The following MAP2K6 variants were observed in gnomAD, a reference collection of about 807,000 sequenced individuals.
MAP2K6 encodes dual specificity mitogen-activated protein kinase kinase 6.
A neutral mutation model predicts 53.7 loss-of-function variants in MAP2K6; 16 were observed. That is an observed-to-expected ratio of 0.30 (90% CI 0.20 to 0.45). The LOEUF is 0.45. MAP2K6 is among the 20% of genes least tolerant of loss of function. MAP2K6 has a pLI of 1.00. For missense variants in MAP2K6, 204 were observed against 411.9 expected, an observed-to-expected ratio of 0.50 and a Z score of 4.37; for synonymous variants, 132 against 143.1, an observed-to-expected ratio of 0.92 and a Z score of 0.55.
At chr17:69,487,062 A>G (rs1908566497) in intron 1 of MAP2K6, among the ~76,000 whole-genome samples, 1 of 152,254 alleles carries the variant, frequency 6.6e-6, no homozygotes, top group African/African-American at 2.4e-5. Context: ...AAACAGTTTT[A>G]TAACCTGCCT....
intron 1 of MAP2K6, among the ~76,000 whole-genome samples, chr17:69,453,513 G>A (rs1055762952): frequency 1.3e-5 from 2 of 152,162 alleles, no homozygotes; most frequent in Non-Finnish European, 2.9e-5. Flanking sequence ...GATTAAGGGG[G>A]TCAAACACAT....
At position 69,526,846 on chromosome 17, in the gene MAP2K6, A is replaced by T. The variant is rs555805108; in HGVS notation, c.881+137A>T. The T allele has an allele frequency of 6.7e-5, 72 of 1,066,798 alleles. No homozygotes were observed. In the African/African-American group the frequency reaches 1.1e-3, roughly 16 times the overall value. 66.1% of individuals were successfully genotyped at this position (1,066,798 alleles called of 1,614,324 possible). A position where few individuals can be genotyped will look rare whatever the true frequency, so the allele number is the denominator to read the frequency against. ...GTGGAGTATGCCCTCTCTGCTGGAG[A>T]AGCAAAGATGACCGTATCACACTCC... On this transcript the variant is annotated intron_variant, in intron 10 of 11. Transcript: ENST00000590474.
At position 69,519,706 on chromosome 17, in the gene MAP2K6, A is replaced by G. The variant is rs570552539; in HGVS notation, c.366+274A>G. On this transcript the variant is annotated intron_variant, in intron 5 of 11. Transcript: ENST00000590474. ...CTTGGCAGAACTTTCTATATCGCCTATAGACTGATTTGCTTAGATCTCTTA... is the reference window on the plus strand; with the variant it reads ...CTTGGCAGAACTTTCTATATCGCCTGTAGACTGATTTGCTTAGATCTCTTA... The G allele has an allele frequency of 5.9e-4, 231 of 388,280 alleles. 1 individual carries two copies. The highest frequency in any genetic ancestry group is 4.5e-3 in the African/African-American group (216 of 47,544). The allele number at this position is 388,280 out of a possible 1,614,324, so 24.1% of individuals were successfully genotyped here.
chr17:69,432,136 A>G (rs996967581), intron 1 of MAP2K6, among the ~76,000 whole-genome samples: 2 of 152,230 alleles, frequency 1.3e-5, no homozygotes, highest in Admixed American at 1.3e-4. Flanking sequence ...AGGAACGAAT[A>G]TGGCTGGTTA....
intron 6 of MAP2K6, 42 bp from the exon 7 acceptor site, chr17:69,521,007 C>A: frequency 6.8e-7 from 1 of 1,475,556 alleles, no homozygotes; most frequent in Non-Finnish European, 9.4e-7. Context: ...AATTTCTTTC[C>A]AGCAATGTGA....
chr17:69,431,032 T>G (rs1002069073), intron 1 of MAP2K6, among the ~76,000 whole-genome samples: 4 of 152,220 alleles, frequency 2.6e-5, no homozygotes, highest in Non-Finnish European at 4.4e-5. Context: ...ATCTAGTCTA[T>G]AAAAGTGATT....
chr17:69,477,621 C>G (rs541878147), intron 1 of MAP2K6: 43 of 152,238 alleles, frequency 2.8e-4, no homozygotes, highest in African/African-American at 1.0e-3. Context: ...ACACTACACT[C>G]CAAAGGGTCT....
intron 11 of MAP2K6, among the ~76,000 whole-genome samples, chr17:69,538,250 A>C (rs1911449962): frequency 6.6e-6 from 1 of 152,204 alleles, no homozygotes; most frequent in Admixed American, 6.5e-5. Context: ...CTTCTTCCAA[A>C]TGGTTTCGGA....
chr17:69,497,854 A>T (rs1909005445), intron 1 of MAP2K6, among the ~76,000 whole-genome samples: 1 of 152,220 alleles, frequency 6.6e-6, no homozygotes, highest in South Asian at 2.1e-4. Context: ...ATATTTAAAT[A>T]TATAAAGAAG....
rs758966968 is a variant in MAP2K6, at chr17:69,546,142, T to C, written c.*4389T>C. The C allele has an allele frequency of 6.6e-6, 1 of 152,232 alleles. No homozygotes were observed. Among genetic ancestry groups the C allele is most frequent in the Non-Finnish European group, 1.5e-5 (1 of 68,062 alleles). The allele number at this position is 152,232 out of a possible 1,614,324, so 9.4% of individuals were successfully genotyped here. ...ATCTATTATGCCAATGTTTGCACTG[T>C]CTGCTGTTGGTGACCCTCAAAATGA... On this transcript the variant is annotated 3_prime_UTR_variant, in exon 12 of 12. Coordinates refer to ENST00000590474, the MANE Select transcript of MAP2K6 (RefSeq NM_002758.4).
intron 1 of MAP2K6, among the ~76,000 whole-genome samples, chr17:69,418,998 A>G (rs935849505): frequency 6.6e-6 from 1 of 152,144 alleles, no homozygotes; most frequent in African/African-American, 2.4e-5. Context: ...TTTGGGTACT[A>G]TCTCCATATT....
chr17:69,523,742 C>T (rs71375731), intron 8 of MAP2K6, 101 bp downstream of exon 8: 2 of 1,445,098 alleles, frequency 1.4e-6, no homozygotes, highest in Non-Finnish European at 1.9e-6. Flanking sequence ...GGAAATGTAC[C>T]TAAGACTCCA....
rs2145206042 is a variant in MAP2K6 at position 69,494,090 on chromosome 17, A to G, written c.17-11690A>G. 6.6e-6 allele frequency among the ~76,000 whole-genome samples: 1 copy of G among 152,304 alleles called. No individual in the cohort carries two copies. The highest frequency in any genetic ancestry group is 3.4e-3 in the Middle Eastern group (1 of 294). ...ACAGAGGGATGTGTGAGTCAATAAC[A>G]AGGGATAAGAGCAGCAGAATCCAGT... is the stretch of plus-strand genomic sequence containing the variant. On this transcript the variant is annotated intron_variant, in intron 1 of 11. Coordinates refer to ENST00000590474, the MANE Select transcript of MAP2K6 (RefSeq NM_002758.4). The surrounding 1 kb of genome is among the most constrained non-coding windows in gnomAD (Gnocchi z 4.2).
chr17:69,504,804 C>A (rs1057185615), intron 1 of MAP2K6, among the ~76,000 whole-genome samples: 4 of 152,168 alleles, frequency 2.6e-5, no homozygotes, highest in Non-Finnish European at 5.9e-5. Flanking sequence ...ATCAAGTTAC[C>A]TTTCCATTTG....
At chr17:69,471,580 G>A (rs369155649) in intron 1 of MAP2K6, among the ~76,000 whole-genome samples, 7 of 152,254 alleles carry the variant, frequency 4.6e-5, no homozygotes, top group African/African-American at 4.8e-5. Flanking sequence ...TTCACTATTC[G>A]GGTGATGGGT....
At chr17:69,464,739 A>G (rs1447254290) in intron 1 of MAP2K6, among the ~76,000 whole-genome samples, 2 of 152,056 alleles carry the variant, frequency 1.3e-5, no homozygotes, top group African/African-American at 2.4e-5. Flanking sequence ...TATTTGAGAC[A>G]GAGTCTCGCT....
At chr17:69,452,854 C>T (rs888195019) in intron 1 of MAP2K6, among the ~76,000 whole-genome samples, 1 of 152,154 alleles carries the variant, frequency 6.6e-6, no homozygotes, top group Non-Finnish European at 1.5e-5. Context: ...GGATTTAGGT[C>T]GTACCAAAGC....
At chr17:69,447,134 C>T (rs1453433503) in intron 1 of MAP2K6, among the ~76,000 whole-genome samples, 7 of 151,258 alleles carry the variant, frequency 4.6e-5, no homozygotes, top group African/African-American at 7.3e-5. Context: ...TGCGTCACCA[C>T]GCCTGGCTAA....
In MAP2K6 at chr17:69,545,596, G is replaced by A. The variant is rs937506262; in HGVS notation, c.*3843G>A. ...GTTCAGGGTGCCATTAGTTGTCTTGGTACTTTTTTCATGGTGCCCCAGGTC... is the reference window on the plus strand; with the variant it reads ...GTTCAGGGTGCCATTAGTTGTCTTGATACTTTTTTCATGGTGCCCCAGGTC... On this transcript the variant is annotated 3_prime_UTR_variant, in exon 12 of 12. Transcript: ENST00000590474. 1.1e-4 allele frequency: 16 copies of A among 152,172 alleles called. No homozygotes were observed. The highest frequency in any genetic ancestry group is 2.7e-4 in the African/African-American group (11 of 41,432). The allele number at this position is 152,172 out of a possible 1,614,324, so 9.4% of individuals were successfully genotyped here. A position where few individuals can be genotyped will look rare whatever the true frequency, so the allele number is the denominator to read the frequency against.
Sources: allele counts gnomAD v4.1 joint callset (sites outside exome capture counted in the v4.1 genomes callset), GRCh38; gene constraint gnomAD v4.1.1; non-coding constraint Gnocchi (gnomAD v3.1); transcripts MANE v1.5; gene names NCBI Gene and HGNC (gene_info 2026-07-23, HGNC 2026-07-21).